Variants in SCP2 observed in about 807,000 individuals in gnomAD.
SCP2 encodes sterol carrier protein 2.
A neutral mutation model predicts 71.4 loss-of-function variants in SCP2; 48 were observed. The ratio of observed to expected loss-of-function variants is 0.67; its 90% CI spans 0.53 to 0.86. SCP2 has a LOEUF of 0.86. Ranked by LOEUF, SCP2 falls within the 40% of genes least tolerant of loss-of-function variation. The probability of loss-of-function intolerance (pLI) is 0.00; values close to 1 mark genes in which losing one functional copy is unlikely to be tolerated. For synonymous variants in SCP2, 220 were observed against 218.1 expected (o/e 1.01, Z -0.08); for missense variants, 560 against 655.6 (o/e 0.85, Z 1.59).
At chr1:52,946,222 C>T (rs1654777167) in intron 2 of SCP2, among the ~76,000 whole-genome samples, 1 of 151,238 alleles carries the variant, frequency 6.6e-6, no homozygotes, top group South Asian at 2.1e-4. Context: ...AGCCACTATG[C>T]CTGGCCTCTT....
chr1:53,038,702 G>C (rs776518767), intron 13 of SCP2, among the ~76,000 whole-genome samples: 18 of 152,166 alleles, frequency 1.2e-4, no homozygotes, highest in Non-Finnish European at 2.4e-4. Flanking sequence ...ACCATGGCTG[G>C]CTTAAAAAGC....
At chr1:52,992,821 C>T (rs186842292) in intron 11 of SCP2, among the ~76,000 whole-genome samples, 9,184 of 152,018 alleles carry the variant, frequency 0.06, 561 homozygotes, top group Admixed American at 0.19. Context: ...TTTAGAGTAA[C>T]AGTAGGCAGT....
chr1:52,996,349 C>A (rs1257542956), intron 11 of SCP2, among the ~76,000 whole-genome samples: 1 of 152,048 alleles, frequency 6.6e-6, no homozygotes, highest in East Asian at 1.9e-4. Context: ...CATTTAGAAC[C>A]AACTGGGTTT....
chr1:53,002,505 T>C (rs978006812), intron 11 of SCP2, among the ~76,000 whole-genome samples: 15 of 152,310 alleles, frequency 9.8e-5, no homozygotes, highest in Admixed American at 2.0e-4. Flanking sequence ...CCTGAGAGCA[T>C]GCATTTACCT....
chr1:53,027,941 A>G (rs987908247), intron 12 of SCP2, 28 bp from the exon 13 acceptor site: 9 of 1,295,288 alleles, frequency 6.9e-6, no homozygotes, highest in East Asian at 2.3e-5. Context: ...ATGTGACTCC[A>G]TGAATTGAAA....
intron 1 of SCP2, among the ~76,000 whole-genome samples, chr1:52,941,448 T>G (rs986702949): frequency 6.6e-6 from 1 of 152,096 alleles, no homozygotes; most frequent in Non-Finnish European, 1.5e-5. Flanking sequence ...AAAATGTAAC[T>G]ATACTTGGCT....
At chr1:52,933,713 A>C (rs982676500) in intron 1 of SCP2, among the ~76,000 whole-genome samples, 4 of 152,214 alleles carry the variant, frequency 2.6e-5, no homozygotes, top group African/African-American at 9.6e-5. Flanking sequence ...GACAGCTGCC[A>C]ATGAATTGAT....
intron 10 of SCP2, 101 bp downstream of exon 10, chr1:52,980,644 C>T (rs1384329719): frequency 6.7e-6 from 8 of 1,202,244 alleles, no homozygotes; most frequent in South Asian, 3.7e-5. Context: ...TTTCCCTTAA[C>T]GTTGGCTCTG....
intron 10 of SCP2, among the ~76,000 whole-genome samples, chr1:52,982,581 A>G (rs1658632609): frequency 6.6e-6 from 1 of 152,138 alleles, no homozygotes; most frequent in Non-Finnish European, 1.5e-5. Context: ...AAAAAACAAA[A>G]AAACAAAAAA....
chr1:53,022,556 A>G (rs1661824909), intron 12 of SCP2, among the ~76,000 whole-genome samples: 1 of 152,118 alleles, frequency 6.6e-6, no homozygotes, highest in Non-Finnish European at 1.5e-5. Flanking sequence ...TTAATTATTG[A>G]GTTGTGAGAG....
chr1:53,050,605 A>T lies in SCP2; in HGVS notation c.1549-4A>T. On this transcript the variant is annotated splice_polypyrimidine_tract_variant and splice_region_variant and intron_variant, in intron 15 of 15. Coordinates refer to ENST00000371514, the MANE Select transcript of SCP2 (RefSeq NM_002979.5). The stretch of plus-strand genomic sequence containing the variant: ...AAGTAATGAATTTTCTTTCTTCTTC[A>T]CAGGCCTTCTTTCAAGGCAAATTGA... The T allele has an allele frequency of 6.2e-7, 1 of 1,604,628 alleles. No homozygotes were observed. The highest frequency in any genetic ancestry group is 2.2e-5 in the East Asian group (1 of 44,828).
chr1:52,961,469 C>A, intron 5 of SCP2, 34 bp from the exon 6 acceptor site: 1 of 1,611,148 alleles, frequency 6.2e-7, no homozygotes, highest in South Asian at 1.1e-5. Flanking sequence ...CTTATCATGT[C>A]AGCTGCTTAT....
At chr1:52,946,811 C>G (rs2150120063) in intron 2 of SCP2, among the ~76,000 whole-genome samples, 1 of 150,448 alleles carries the variant, frequency 6.6e-6, no homozygotes, top group East Asian at 2.0e-4. Flanking sequence ...AATTCCAGCA[C>G]CTTGGGAGGC....
At chr1:52,927,500 G>T (rs1652547344) in intron 1 of SCP2, 35 bp downstream of exon 1, 2 of 1,524,530 alleles carry the variant, frequency 1.3e-6, no homozygotes, top group African/African-American at 2.7e-5. Flanking sequence ...GCCCTCTGAG[G>T]CTCGGGGGCG....
intron 11 of SCP2, among the ~76,000 whole-genome samples, chr1:53,003,589 T>C (rs923135837): frequency 6.6e-6 from 1 of 152,170 alleles, no homozygotes; most frequent in Non-Finnish European, 1.5e-5. Context: ...GGTGCAAACA[T>C]GCTTACTGCA....
intron 9 of SCP2, among the ~76,000 whole-genome samples, chr1:52,979,378 G>A (rs1658278313): frequency 7.0e-6 from 1 of 143,832 alleles, no homozygotes. Flanking sequence ...ACACGATTTT[G>A]CCATGTTACC....
chr1:53,003,852 G>A (rs867632572), intron 11 of SCP2, among the ~76,000 whole-genome samples: 33 of 151,972 alleles, frequency 2.2e-4, no homozygotes, highest in African/African-American at 7.7e-4. Context: ...ACAATTTCAC[G>A]GATAGAAAAT....
intron 12 of SCP2, among the ~76,000 whole-genome samples, chr1:53,020,348 T>G (rs1221302678): frequency 6.6e-6 from 1 of 152,208 alleles, no homozygotes; most frequent in Non-Finnish European, 1.5e-5. Context: ...CTGCCACACA[T>G]TGTAGTTGCT....
At chr1:52,972,954 G>A (rs1657623536) in intron 6 of SCP2, among the ~76,000 whole-genome samples, 1 of 152,214 alleles carries the variant, frequency 6.6e-6, no homozygotes. Flanking sequence ...GCAGGTTGTT[G>A]TGGGAGTTCA....
Sources: gnomAD v4.1 joint callset for allele counts (sites outside exome capture counted in the v4.1 genomes callset) on GRCh38, gnomAD v4.1.1 for gene constraint, MANE v1.5 for transcripts, NCBI Gene and HGNC (gene_info 2026-07-23, HGNC 2026-07-21) for gene names.